The following RTN1 variants were observed in gnomAD, a reference collection of about 807,000 sequenced individuals.
The protein encoded by RTN1 is reticulon-1.
RTN1 carries 25 observed loss-of-function variants against 65.5 expected under a neutral mutation model. The observed-to-expected ratio is 0.38, with a 90% CI of 0.28 to 0.53. The LOEUF (loss-of-function observed/expected upper bound fraction) is 0.53. Among genes scored for constraint, RTN1 ranks in the 20% least tolerant of loss-of-function variants. RTN1 has a pLI of 0.79. For missense variants in RTN1, 983 were observed against 1,025.4 expected, an observed-to-expected ratio of 0.96 and a Z score of 0.57; for synonymous variants, 471 against 447.6, an observed-to-expected ratio of 1.05 and a Z score of -0.66.
At chr14:59,643,732 G>A (rs1279081678) in intron 3 of RTN1, among the ~76,000 whole-genome samples, 2 of 152,178 alleles carry the variant, frequency 1.3e-5, no homozygotes, top group African/African-American at 4.8e-5. Context: ...GTCAGATTAA[G>A]TCAGAAAAGT....
intron 2 of RTN1, among the ~76,000 whole-genome samples, chr14:59,736,828 C>T (rs1244609748): frequency 2.0e-5 from 3 of 152,108 alleles, no homozygotes; most frequent in Non-Finnish European, 4.4e-5. Flanking sequence ...GTTTATCCAC[C>T]ACAATCAAGT....
At chr14:59,625,089 A>G (rs1882357320) in intron 3 of RTN1, among the ~76,000 whole-genome samples, 1 of 152,176 alleles carries the variant, frequency 6.6e-6, no homozygotes, top group African/African-American at 2.4e-5. Flanking sequence ...TAAGGGAGGG[A>G]GGGAAGGAGG....
rs1327764292 is a variant in RTN1, at chr14:59,727,361, C to T, written c.1323G>A (p.Pro441=). Residue 441 remains proline (P), a synonymous_variant, in exon 3 of 9, where the codon CCG becomes CCA. Transcript: ENST00000267484. This position sits in a 1 kb window ranked among gnomAD's most constrained non-coding sequence, Gnocchi z 4.2. ...GGATGGATGGCGAGGCGGGCGAGGG[C>T]GGCGGGCCGCCCACGTGGCCAAAGC... ...YVSFGHVGGP[P]PSPASPSIQY... is the part of the protein sequence containing the mutation. The T allele has an allele frequency of 4.0e-6, 6 of 1,508,766 alleles. No homozygotes were observed. The highest frequency in any genetic ancestry group is 4.2e-5 in the Admixed American group (2 of 48,120). 93.5% of individuals were successfully genotyped at this position (1,508,766 alleles called of 1,614,324 possible).
At chr14:59,805,959 T>C (rs1213969565) in intron 1 of RTN1, among the ~76,000 whole-genome samples, 2 of 152,128 alleles carry the variant, frequency 1.3e-5, no homozygotes, top group Non-Finnish European at 2.9e-5. Context: ...ATTATATGGC[T>C]GGGCACTGTG....
chr14:59,729,463 TC>T (rs1414429878), intron 2 of RTN1, among the ~76,000 whole-genome samples: 1 of 152,198 alleles, frequency 6.6e-6, no homozygotes, highest in African/African-American at 2.4e-5. Flanking sequence ...TATTCTATGA[TC>T]CTCAACTCTA....
chr14:59,847,702 T>C (rs2139659385), intron 1 of RTN1, among the ~76,000 whole-genome samples: 1 of 152,308 alleles, frequency 6.6e-6, no homozygotes, highest in Admixed American at 6.5e-5. Flanking sequence ...ACTTCCCACT[T>C]AAAAAATATG....
At chr14:59,833,443 T>C (rs1392741929) in intron 1 of RTN1, among the ~76,000 whole-genome samples, 2 of 152,186 alleles carry the variant, frequency 1.3e-5, no homozygotes, top group Non-Finnish European at 2.9e-5. Context: ...TATAGTAATA[T>C]ATAAAACTCA....
chr14:59,718,240 C>CT (rs1884577669), intron 3 of RTN1, among the ~76,000 whole-genome samples: 1 of 152,184 alleles, frequency 6.6e-6, no homozygotes, highest in Non-Finnish European at 1.5e-5. Context: ...ACTCAGGAAT[C>CT]TCTGAGTAAA....
chr14:59,841,652 A>G (rs536527856), intron 1 of RTN1, among the ~76,000 whole-genome samples: 1 of 151,686 alleles, frequency 6.6e-6, no homozygotes, highest in African/African-American at 2.4e-5. Flanking sequence ...GGATGCAGTG[A>G]GCCAAGATTG....
At chr14:59,813,783 ACT>A (rs1886771130) in intron 1 of RTN1, among the ~76,000 whole-genome samples, 1 of 152,208 alleles carries the variant, frequency 6.6e-6, no homozygotes, top group South Asian at 2.1e-4. Flanking sequence ...TATTTTTATT[ACT>A]TTTTTCTCTA....
In RTN1 at chr14:59,867,596, C is replaced by T. The variant is rs927226761; in HGVS notation, c.241+2794G>A. On this transcript the variant is annotated intron_variant, in intron 1 of 8. Coordinates refer to ENST00000267484, the MANE Select transcript of RTN1 (RefSeq NM_021136.3). ...TATTCATTCCAGGACACTGCTGAGA[C>T]ATATTTTTGGAAATGTTCCTGGGAT... 3.3e-5 allele frequency among the ~76,000 whole-genome samples: 5 copies of T among 152,298 alleles called. No individual in the cohort carries two copies. The Middle Eastern group carries it at 0.014, about 414-fold the overall frequency.
chr14:59,718,317 C>T (rs1468244546), intron 3 of RTN1, among the ~76,000 whole-genome samples: 1 of 152,204 alleles, frequency 6.6e-6, no homozygotes, highest in Non-Finnish European at 1.5e-5. Flanking sequence ...GATGTGCTTG[C>T]CTCAACTTGA....
At chr14:59,796,553 C>T (rs188481546) in intron 1 of RTN1, among the ~76,000 whole-genome samples, 1 of 152,296 alleles carries the variant, frequency 6.6e-6, no homozygotes, top group East Asian at 1.9e-4. Flanking sequence ...TTTCCTGTAA[C>T]ACTCTATACC....
rs994221689 is a variant in RTN1, at chr14:59,768,425, C to T, written c.242-21944G>A. ...TGACCGAAATCAGGATTTAGATACT[C>T]TTCTCTGCCCTTGTTTGGGCCAGGC... On this transcript the variant is annotated intron_variant, in intron 1 of 8. Transcript: ENST00000267484. 7.9e-5 allele frequency among the ~76,000 whole-genome samples: 12 copies of T among 152,340 alleles called. 1 individual carries two copies. The highest frequency in any genetic ancestry group is 2.0e-4 in the Admixed American group (3 of 15,300).
rs753040027 is a variant in RTN1 at position 59,790,724 on chromosome 14, T to C, written c.242-44243A>G. Among the ~76,000 whole-genome samples, 5 of 152,176 alleles carry C rather than the reference T, an allele frequency of 3.3e-5. No individual in the cohort carries two copies. Among genetic ancestry groups the C allele is most frequent in the Non-Finnish European group, 5.9e-5 (4 of 68,034 alleles). On this transcript the variant is annotated intron_variant, in intron 1 of 8. Coordinates refer to ENST00000267484, the MANE Select transcript of RTN1 (RefSeq NM_021136.3). This position sits in a 1 kb window ranked among gnomAD's most constrained non-coding sequence, Gnocchi z 4.1. ...TTTGCAAGTTCTTTTTAATGTTTTT[T>C]CTTTTTCATTTGTTCTATTTCCTAC...
chr14:59,728,257 T>A (rs1335393510), intron 2 of RTN1, among the ~76,000 whole-genome samples: 3 of 53,976 alleles, frequency 5.6e-5, no homozygotes, highest in Non-Finnish European at 1.1e-4. Context: ...ATCTTTTTTT[T>A]TTTTTTTTTT....
chr14:59,711,641 C>G (rs1205025889), intron 3 of RTN1, among the ~76,000 whole-genome samples: 4 of 152,210 alleles, frequency 2.6e-5, no homozygotes, highest in African/African-American at 9.7e-5. Flanking sequence ...CCACTACTCA[C>G]TAGGCATCAC....
At chr14:59,734,154 G>A (rs1298470219) in intron 2 of RTN1, among the ~76,000 whole-genome samples, 1 of 152,062 alleles carries the variant, frequency 6.6e-6, no homozygotes, top group Non-Finnish European at 1.5e-5. Flanking sequence ...ACAGCAGAGT[G>A]GACAAATTGT....
intron 3 of RTN1, among the ~76,000 whole-genome samples, chr14:59,663,329 G>A (rs960083913): frequency 6.6e-6 from 1 of 152,006 alleles, no homozygotes; most frequent in African/African-American, 2.4e-5. Flanking sequence ...GAAAACCTAG[G>A]ACATAGGCTT....
Sources: allele counts gnomAD v4.1 joint callset (sites outside exome capture counted in the v4.1 genomes callset), GRCh38; gene constraint gnomAD v4.1.1; non-coding constraint Gnocchi (gnomAD v3.1); transcripts MANE v1.5; gene names NCBI Gene and HGNC (gene_info 2026-07-23, HGNC 2026-07-21).